SLIT3: variants seen among roughly 807,000 people sequenced by gnomAD.
The protein encoded by SLIT3 is slit guidance ligand 3, also known as slit homolog 3 protein.
Under a neutral mutation model 184.0 loss-of-function variants are expected in SLIT3, and 68 were observed. The ratio of observed to expected loss-of-function variants is 0.37; its 90% CI spans 0.30 to 0.45. SLIT3 has a LOEUF of 0.45. Ranked by LOEUF, SLIT3 falls within the 20% of genes least tolerant of loss-of-function variation. The pLI, the probability that SLIT3 is intolerant of heterozygous loss-of-function variation, is 1.00. For synonymous variants in SLIT3, 831 were observed against 828.6 expected, an observed-to-expected ratio of 1.00 and a Z score of -0.05; for missense variants, 1,707 against 2,026.0, an observed-to-expected ratio of 0.84 and a Z score of 3.02.
chr5:168,750,556 G>A (rs907191085), intron 18 of SLIT3, among the ~76,000 whole-genome samples: 5 of 152,158 alleles, frequency 3.3e-5, no homozygotes, highest in African/African-American at 1.2e-4. Flanking sequence ...GTGAAGCGGG[G>A]CAAGTTACTT....
intron 4 of SLIT3, among the ~76,000 whole-genome samples, chr5:169,184,458 T>A (rs901748403): frequency 3.9e-5 from 6 of 152,198 alleles, no homozygotes; most frequent in African/African-American, 1.4e-4. Flanking sequence ...GGAGTTGGCA[T>A]CAACATAAGG....
At chr5:169,026,651 T>A (rs1260846219) in intron 4 of SLIT3, 1 of 152,220 alleles carries the variant, frequency 6.6e-6, no homozygotes, top group Non-Finnish European at 1.5e-5. Flanking sequence ...TATCTTTACA[T>A]GTGTATGTAT....
intron 4 of SLIT3, among the ~76,000 whole-genome samples, chr5:168,895,674 C>CA (rs753935095): frequency 1.3e-5 from 2 of 152,190 alleles, no homozygotes; most frequent in Non-Finnish European, 2.9e-5. Context: ...ATCATGACCC[C>CA]ATGCGCTATT....
chr5:169,233,746 T>C (rs959827439), intron 3 of SLIT3, among the ~76,000 whole-genome samples: 1 of 152,226 alleles, frequency 6.6e-6, no homozygotes, highest in African/African-American at 2.4e-5. Context: ...CCAATCTTTA[T>C]ATCCATTCTT....
At chr5:168,905,632 T>A (rs773649471) in intron 4 of SLIT3, among the ~76,000 whole-genome samples, 33 of 152,184 alleles carry the variant, frequency 2.2e-4, no homozygotes, top group African/African-American at 7.7e-4. Flanking sequence ...TGGTTTTACA[T>A]ATATAGACAC....
At chr5:169,167,267 A>AT (rs1762669332) in intron 4 of SLIT3, among the ~76,000 whole-genome samples, 1 of 133,578 alleles carries the variant, frequency 7.5e-6, no homozygotes, top group Admixed American at 7.6e-5. Flanking sequence ...TGTTCTAAGC[A>AT]CTTTTTTTTT....
At chr5:168,727,613 G>A (rs1240891139) in intron 20 of SLIT3, among the ~76,000 whole-genome samples, 3 of 152,198 alleles carry the variant, frequency 2.0e-5, no homozygotes, top group Non-Finnish European at 4.4e-5. Context: ...CTGCAGACAA[G>A]GGCAGAGGCT....
intron 4 of SLIT3, among the ~76,000 whole-genome samples, chr5:169,109,904 G>A (rs530699855): frequency 2.1e-4 from 32 of 152,206 alleles, no homozygotes; most frequent in African/African-American, 7.2e-4. Context: ...AGGGCTTACC[G>A]TGTGCCAGTT....
intron 4 of SLIT3, among the ~76,000 whole-genome samples, chr5:169,029,681 G>C (rs1756953453): frequency 6.6e-6 from 1 of 152,112 alleles, no homozygotes; most frequent in African/African-American, 2.4e-5. Flanking sequence ...AAGAGATCTT[G>C]GAAGGAAGTA....
At chr5:169,200,588 A>G (rs1763879191) in intron 3 of SLIT3, among the ~76,000 whole-genome samples, 1 of 152,180 alleles carries the variant, frequency 6.6e-6, no homozygotes, top group African/African-American at 2.4e-5. Context: ...ACCAAACTTC[A>G]CAGGCCTCAA....
At chr5:168,891,382 C>T (rs1206835895) in intron 4 of SLIT3, among the ~76,000 whole-genome samples, 1 of 152,178 alleles carries the variant, frequency 6.6e-6, no homozygotes, top group Non-Finnish European at 1.5e-5. Flanking sequence ...TGGATGGTTA[C>T]ACCCTCCCCT....
At chr5:169,250,904 C>G (rs1478652383) in intron 2 of SLIT3, among the ~76,000 whole-genome samples, 1 of 152,186 alleles carries the variant, frequency 6.6e-6, no homozygotes, top group Non-Finnish European at 1.5e-5. Flanking sequence ...CATCAATGCC[C>G]ATTTCAAATT....
intron 4 of SLIT3, among the ~76,000 whole-genome samples, chr5:168,964,467 A>G (rs1396330682): frequency 6.6e-6 from 1 of 152,220 alleles, no homozygotes. Flanking sequence ...AACAAAACAT[A>G]CAAAGAGAGA....
intron 4 of SLIT3, among the ~76,000 whole-genome samples, chr5:169,178,570 A>G (rs1763053036): frequency 6.6e-6 from 1 of 152,138 alleles, no homozygotes; most frequent in Non-Finnish European, 1.5e-5. Flanking sequence ...AACCTGAGAT[A>G]TACCGCACCC....
chr5:168,952,837 C>T (rs1411468564), intron 4 of SLIT3, among the ~76,000 whole-genome samples: 1 of 152,170 alleles, frequency 6.6e-6, no homozygotes, highest in Non-Finnish European at 1.5e-5. Flanking sequence ...AATGAGGTTT[C>T]GCAGTCGGGG....
At chr5:168,975,441 G>A (rs1259546801) in intron 4 of SLIT3, among the ~76,000 whole-genome samples, 1 of 151,754 alleles carries the variant, frequency 6.6e-6, no homozygotes, top group South Asian at 2.1e-4. Context: ...TCCTTCATTT[G>A]TGAACATACA....
chr5:169,219,219 T>C (rs1764543121), intron 3 of SLIT3, among the ~76,000 whole-genome samples: 1 of 152,154 alleles, frequency 6.6e-6, no homozygotes, highest in Non-Finnish European at 1.5e-5. Flanking sequence ...CTGTCCCACC[T>C]CCAGCACAGA....
intron 27 of SLIT3, among the ~76,000 whole-genome samples, chr5:168,697,392 C>T (rs372529279): frequency 5.3e-4 from 81 of 152,284 alleles, no homozygotes; most frequent in African/African-American, 1.9e-3. Context: ...CGTGCAAGAT[C>T]GGTTAGAACA....
chr5:168,994,623 CTTTTTTTTTTTTTTTTTTT>C (rs66498923), intron 4 of SLIT3, among the ~76,000 whole-genome samples: 1,009 of 47,024 alleles, frequency 0.021, 10 homozygotes, highest in Non-Finnish European at 0.03. Context: ...TGGCATTCTA[CTTTTTTTTTTTTTTTTTTT>C]TTTTTTTTTT....
Sources: allele counts gnomAD v4.1 joint callset (sites outside exome capture counted in the v4.1 genomes callset), GRCh38; gene constraint gnomAD v4.1.1; transcripts MANE v1.5; gene names NCBI Gene and HGNC (gene_info 2026-07-23, HGNC 2026-07-21).